Variants in CCSER1 observed in about 807,000 individuals in gnomAD.
CCSER1 encodes coiled-coil serine rich protein 1.
CCSER1 carries 41 observed loss-of-function variants against 82.0 expected under a neutral mutation model. The observed-to-expected ratio is 0.50, with a 90% confidence interval of 0.39 to 0.65. CCSER1 has a LOEUF of 0.65. Ranked by LOEUF, CCSER1 falls within the 30% of genes least tolerant of loss-of-function variation. CCSER1 has a pLI of 0.00. For synonymous variants in CCSER1, 414 were observed against 383.9 expected (o/e 1.08, Z -0.92); for missense variants, 1,119 against 1,064.2 (o/e 1.05, Z -0.72).
At chr4:90,745,678 C>CTTTTTTTTTTTTTTTTTTTTTTTTTT in intron 7 of CCSER1, among the ~76,000 whole-genome samples, 1 of 72,236 alleles carries the variant, frequency 1.4e-5, no homozygotes, top group African/African-American at 5.8e-5. Context: ...TTTCTTTTAT[C>CTTTTTTTTTTTTTTTTTTTTTTTTTT]TTTTTTTTTT....
chr4:90,930,032 A>T (rs1729537298), intron 9 of CCSER1, among the ~76,000 whole-genome samples: 2 of 152,222 alleles, frequency 1.3e-5, no homozygotes, highest in Admixed American at 1.3e-4. Context: ...ACTTAAAAAA[A>T]TTGAAAAGAG....
intron 8 of CCSER1, among the ~76,000 whole-genome samples, chr4:90,862,867 G>A (rs1022123363): frequency 2.0e-5 from 3 of 146,868 alleles, no homozygotes; most frequent in Admixed American, 6.8e-5. Flanking sequence ...CAGAAAACCC[G>A]TATTACAGAA....
intron 10 of CCSER1, among the ~76,000 whole-genome samples, chr4:91,153,469 T>C (rs183245502): frequency 3.4e-4 from 51 of 152,080 alleles, no homozygotes; most frequent in African/African-American, 1.1e-3. Flanking sequence ...TTCCTTTAGC[T>C]TAGAGAAGTT....
At chr4:90,257,530 C>G (rs1028278694) in intron 1 of CCSER1, among the ~76,000 whole-genome samples, 201 of 150,198 alleles carry the variant, frequency 1.3e-3, no homozygotes, top group Non-Finnish European at 2.3e-3. Flanking sequence ...CAATAGGATA[C>G]AGATAGATAG....
chr4:90,483,470 A>C (rs1301114977), intron 5 of CCSER1, among the ~76,000 whole-genome samples: 1 of 152,136 alleles, frequency 6.6e-6, no homozygotes, highest in African/African-American at 2.4e-5. Flanking sequence ...CCTAGCCTTG[A>C]TGGTCTTTAC....
intron 10 of CCSER1, among the ~76,000 whole-genome samples, chr4:91,108,492 A>G (rs1725828189): frequency 6.6e-6 from 1 of 152,234 alleles, no homozygotes; most frequent in East Asian, 1.9e-4. Flanking sequence ...TCATCTGCCT[A>G]TTAACTGATA....
intron 5 of CCSER1, among the ~76,000 whole-genome samples, chr4:90,537,528 C>T (rs1775566531): frequency 6.6e-6 from 1 of 151,928 alleles, no homozygotes; most frequent in Non-Finnish European, 1.5e-5. Context: ...TTTTGAATTT[C>T]TGATTCGATA....
chr4:91,269,438 T>C (rs1237649903), intron 10 of CCSER1, among the ~76,000 whole-genome samples: 1 of 152,140 alleles, frequency 6.6e-6, no homozygotes, highest in African/African-American at 2.4e-5. Context: ...TAGTTCTGGG[T>C]GCTACATAAA....
At chr4:90,691,373 T>G (rs1435845667) in intron 6 of CCSER1, among the ~76,000 whole-genome samples, 1 of 152,002 alleles carries the variant, frequency 6.6e-6, no homozygotes, top group African/African-American at 2.4e-5. Flanking sequence ...CAAACCACCT[T>G]AAAAAAACTC....
intron 1 of CCSER1, among the ~76,000 whole-genome samples, chr4:90,242,439 G>A (rs974082809): frequency 6.6e-6 from 1 of 152,110 alleles, no homozygotes; most frequent in South Asian, 2.1e-4. Flanking sequence ...ACTATAGTAC[G>A]AAGAAATGTA....
chr4:91,295,966 A>T (rs1744127667), intron 10 of CCSER1, among the ~76,000 whole-genome samples: 2 of 151,970 alleles, frequency 1.3e-5, no homozygotes, highest in African/African-American at 4.8e-5. Context: ...CTAAATAAAG[A>T]TGTATGCCTT....
intron 4 of CCSER1, among the ~76,000 whole-genome samples, chr4:90,456,999 G>A (rs1046476787): frequency 1.3e-5 from 2 of 152,178 alleles, no homozygotes; most frequent in Non-Finnish European, 2.9e-5. Context: ...GCTCAGATCC[G>A]ATGCCTGCCA....
chr4:90,551,264 C>A (rs1777443616), intron 5 of CCSER1, among the ~76,000 whole-genome samples: 1 of 152,012 alleles, frequency 6.6e-6, no homozygotes, highest in South Asian at 2.1e-4. Context: ...AGTGTAAAGT[C>A]CAAATCTCTT....
chr4:90,539,014 A>T lies in CCSER1; in HGVS notation c.1724+70660A>T, dbSNP rs573938548. Among the ~76,000 whole-genome samples the T allele has an allele frequency of 2.6e-5, 4 of 152,208 alleles. No homozygotes were observed. In the East Asian group the frequency reaches 7.7e-4, roughly 29 times the overall value. On this transcript the variant is annotated intron_variant, in intron 5 of 10. Transcript: ENST00000509176. ...TTGTATGGATGTTTCTGCAAGTGAC[A>T]AAATCCATGAAAGAACTGAAAATGC... is the stretch of plus-strand genomic sequence containing the variant.
rs541422941 is a variant in CCSER1 at position 91,070,815 on chromosome 4, AAG to A, written c.2173-15130_2173-15129del. ...AAAAGGTTGGGAACCGCCGCTCTAC[AAG>A]AGAGTCTGGTATTAACAATTTTAAA... On this transcript the variant is annotated intron_variant, in intron 9 of 10. Transcript: ENST00000509176. 2.1e-3 allele frequency among the ~76,000 whole-genome samples: 319 copies of A among 152,310 alleles called. 2 individuals carry two copies. Among genetic ancestry groups the A allele is most frequent in the African/African-American group, 7.4e-3 (309 of 41,574 alleles).
chr4:90,952,648 C>CATTATG lies in CCSER1; in HGVS notation c.2172+29201_2172+29202insATTATG, dbSNP rs1311396745. Among the ~76,000 whole-genome samples, 3 of 152,092 alleles carry CATTATG rather than the reference C, an allele frequency of 2.0e-5. No homozygotes were observed. In the East Asian group the frequency reaches 5.8e-4, roughly 29 times the overall value. On this transcript the variant is annotated intron_variant, in intron 9 of 10. Coordinates refer to ENST00000509176, the MANE Select transcript of CCSER1 (RefSeq NM_001145065.2). ...CATCATAATGTCATAGTCCTAGACACTTGATTTCCTACAACTGGCCTGGGA... is the reference window on the plus strand; with the variant it reads ...CATCATAATGTCATAGTCCTAGACACATTATGTTGATTTCCTACAACTGGCCTGGGA...
chr4:90,482,976 A>T (rs962657797), intron 5 of CCSER1, among the ~76,000 whole-genome samples: 3 of 152,170 alleles, frequency 2.0e-5, no homozygotes, highest in Non-Finnish European at 4.4e-5. Context: ...GTGGGGTGTT[A>T]AAGTCTCCCA....
chr4:90,329,989 T>G (rs76883688), intron 3 of CCSER1, among the ~76,000 whole-genome samples: 6,350 of 152,186 alleles, frequency 0.042, 179 homozygotes, highest in African/African-American at 0.073. Context: ...CTATTCAAAA[T>G]AGGCAATAAC....
chr4:90,169,408 C>A (rs1358641421), intron 1 of CCSER1, among the ~76,000 whole-genome samples: 1 of 152,086 alleles, frequency 6.6e-6, no homozygotes, highest in African/African-American at 2.4e-5. Flanking sequence ...GGTATACAAT[C>A]ATGTCATCTG....
Sources: allele counts gnomAD v4.1 joint callset (sites outside exome capture counted in the v4.1 genomes callset), GRCh38; gene constraint gnomAD v4.1.1; transcripts MANE v1.5; gene names NCBI Gene and HGNC (gene_info 2026-07-23, HGNC 2026-07-21).